Variants in NRG3 observed in about 807,000 individuals in gnomAD.
NRG3 encodes pro-neuregulin-3, membrane-bound isoform.
In NRG3, 31 loss-of-function variants were observed where a neutral mutation model predicts 66.9. That is an observed-to-expected ratio of 0.46 (90% CI 0.35 to 0.63). The LOEUF (loss-of-function observed/expected upper bound fraction) is 0.63. NRG3 is among the 20% of genes least tolerant of loss of function. The probability of loss-of-function intolerance (pLI) is 0.00; values close to 1 mark genes in which losing one functional copy is unlikely to be tolerated. For synonymous variants in NRG3, 393 were observed against 359.4 expected (o/e 1.09, Z -1.06); for missense variants, 910 against 878.9 (o/e 1.04, Z -0.45).
At chr10:82,609,263 A>C (rs1321013878) in intron 2 of NRG3, among the ~76,000 whole-genome samples, 1 of 152,210 alleles carries the variant, frequency 6.6e-6, no homozygotes, top group African/African-American at 2.4e-5. Flanking sequence ...GTATTTAATT[A>C]GAAAATAACG....
chr10:82,587,581 C>CTGTGGAA (rs1271417573), intron 2 of NRG3, among the ~76,000 whole-genome samples: 1 of 152,140 alleles, frequency 6.6e-6, no homozygotes, highest in Non-Finnish European at 1.5e-5. Context: ...TGTGGAACAA[C>CTGTGGAA]CAAGAGGTAG....
At chr10:82,959,224 G>T in intron 6 of NRG3, 149 bp downstream of exon 6, 1 of 761,450 alleles carries the variant, frequency 1.3e-6, no homozygotes, top group Non-Finnish European at 1.9e-6. Flanking sequence ...GGGCTGGGAC[G>T]TATGCACACA....
intron 2 of NRG3, among the ~76,000 whole-genome samples, chr10:82,724,217 G>A (rs985036198): frequency 6.9e-6 from 1 of 145,956 alleles, no homozygotes; most frequent in Admixed American, 6.8e-5. Flanking sequence ...ATAGGCCTAT[G>A]CTACTTTTTT....
intron 2 of NRG3, among the ~76,000 whole-genome samples, chr10:82,404,032 G>A (rs1321747638): frequency 1.3e-5 from 2 of 151,786 alleles, no homozygotes; most frequent in Admixed American, 1.3e-4. Context: ...TTAGATATTG[G>A]AATTATACTA....
chr10:82,701,290 TTCTC>T (rs1345265028), intron 2 of NRG3, among the ~76,000 whole-genome samples: 1 of 152,146 alleles, frequency 6.6e-6, no homozygotes, highest in Non-Finnish European at 1.5e-5. Context: ...TACCTCGTCT[TTCTC>T]AAGCTAGTGA....
chr10:82,488,247 C>G (rs1045918273), intron 2 of NRG3, among the ~76,000 whole-genome samples: 1 of 152,076 alleles, frequency 6.6e-6, no homozygotes, highest in African/African-American at 2.4e-5. Context: ...GCCTGGTATG[C>G]TAAACATACA....
intron 2 of NRG3, among the ~76,000 whole-genome samples, chr10:82,568,911 A>G (rs1207555781): frequency 6.6e-6 from 1 of 151,708 alleles, no homozygotes; most frequent in Non-Finnish European, 1.5e-5. Context: ...GTTTTTCTCT[A>G]CATCACTGCC....
At chr10:82,946,695 T>C (rs1229344553) in intron 4 of NRG3, among the ~76,000 whole-genome samples, 1 of 152,162 alleles carries the variant, frequency 6.6e-6, no homozygotes, top group Non-Finnish European at 1.5e-5. Flanking sequence ...ATTTTAGGTA[T>C]TATAAGTCAA....
chr10:82,567,456 A>T (rs935065281), intron 2 of NRG3, among the ~76,000 whole-genome samples: 1 of 151,974 alleles, frequency 6.6e-6, no homozygotes, highest in Non-Finnish European at 1.5e-5. Flanking sequence ...CTGCCTGGGT[A>T]TAAAGAATGT....
intron 3 of NRG3, among the ~76,000 whole-genome samples, chr10:82,863,881 G>A (rs2135938101): frequency 6.6e-6 from 1 of 152,272 alleles, no homozygotes; most frequent in Non-Finnish European, 1.5e-5. Context: ...CTGAGAACAA[G>A]AATCCTTTCT....
At chr10:82,913,625 G>T (rs534042426) in intron 4 of NRG3, among the ~76,000 whole-genome samples, 1 of 152,236 alleles carries the variant, frequency 6.6e-6, no homozygotes, top group South Asian at 2.1e-4. Context: ...AATATTGACT[G>T]CCTTCTCTTG....
intron 3 of NRG3, among the ~76,000 whole-genome samples, chr10:82,777,794 C>T (rs537796453): frequency 3.5e-4 from 54 of 152,248 alleles, no homozygotes; most frequent in Middle Eastern, 3.4e-3. Flanking sequence ...AGGACATAGC[C>T]GTGGCCAAAG....
intron 2 of NRG3, among the ~76,000 whole-genome samples, chr10:82,600,336 T>A (rs551445036): frequency 6.6e-6 from 1 of 152,318 alleles, no homozygotes; most frequent in Non-Finnish European, 1.5e-5. Flanking sequence ...TGAAAAAAAA[T>A]GTAATAATTA....
chr10:82,714,758 C>T (rs1479661610), intron 2 of NRG3, among the ~76,000 whole-genome samples: 1 of 152,158 alleles, frequency 6.6e-6, no homozygotes, highest in Non-Finnish European at 1.5e-5. Context: ...ATATAGTTCT[C>T]ATTTAATGAC....
chr10:82,943,001 C>G (rs1218528435), intron 4 of NRG3, among the ~76,000 whole-genome samples: 1 of 151,876 alleles, frequency 6.6e-6, no homozygotes, highest in Non-Finnish European at 1.5e-5. Context: ...AAATAAATTC[C>G]TTAAATACCA....
At chr10:81,927,800 C>T (rs1266360606) in intron 1 of NRG3, among the ~76,000 whole-genome samples, 2 of 152,096 alleles carry the variant, frequency 1.3e-5, no homozygotes, top group East Asian at 1.9e-4. Flanking sequence ...AAAGGGAGTT[C>T]AAGCCAGGAT....
At chr10:82,780,204 T>C (rs932214200) in intron 3 of NRG3, among the ~76,000 whole-genome samples, 3 of 152,184 alleles carry the variant, frequency 2.0e-5, no homozygotes, top group Non-Finnish European at 4.4e-5. Context: ...GTCTTTATGA[T>C]AGAATGATTT....
intron 1 of NRG3, among the ~76,000 whole-genome samples, chr10:82,334,298 G>A (rs1245660191): frequency 1.3e-5 from 2 of 152,056 alleles, no homozygotes; most frequent in African/African-American, 4.8e-5. Context: ...CGTTTTCCTC[G>A]AAGCATGGAA....
chr10:82,787,306 G>C (rs1428949886), intron 3 of NRG3, among the ~76,000 whole-genome samples: 1 of 152,114 alleles, frequency 6.6e-6, no homozygotes, highest in Non-Finnish European at 1.5e-5. Flanking sequence ...TACAAGAAAA[G>C]AATTGTGTCT....
Sources: allele counts gnomAD v4.1 joint callset (sites outside exome capture counted in the v4.1 genomes callset), GRCh38; gene constraint gnomAD v4.1.1; transcripts MANE v1.5; gene names NCBI Gene and HGNC (gene_info 2026-07-23, HGNC 2026-07-21).